RALGPS2: variants seen among roughly 807,000 people sequenced by gnomAD.
RALGPS2 encodes the protein Ral GEF with PH domain and SH3 binding motif 2.
A neutral mutation model predicts 86.8 loss-of-function variants in RALGPS2; 43 were observed. That is an observed-to-expected ratio of 0.50 (90% CI 0.39 to 0.64). The LOEUF is 0.64. Among genes scored for constraint, RALGPS2 ranks in the 30% least tolerant of loss-of-function variants. RALGPS2 has a pLI of 0.00. For synonymous variants in RALGPS2, 243 were observed against 231.3 expected, an observed-to-expected ratio of 1.05 and a Z score of -0.46; for missense variants, 536 against 694.6, an observed-to-expected ratio of 0.77 and a Z score of 2.57.
At chr1:178,828,684 A>G (rs1174095380) in intron 7 of RALGPS2, among the ~76,000 whole-genome samples, 4 of 152,222 alleles carry the variant, frequency 2.6e-5, no homozygotes, top group African/African-American at 4.8e-5. Context: ...CAACATCGCT[A>G]ATCATCAGGG....
At position 178,725,279 on chromosome 1, in the gene RALGPS2, G is replaced by GGCGGCT. The variant is rs1401054074; in HGVS notation, c.-221_-216dup. 5.7e-6 allele frequency: 1 copy of GGCGGCT among 176,222 alleles called. No individual in the cohort carries two copies. Among genetic ancestry groups the GGCGGCT allele is most frequent in the African/African-American group, 2.4e-5 (1 of 41,552 alleles). The allele number at this position is 176,222 out of a possible 1,614,324, so 10.9% of individuals were successfully genotyped here. On this transcript the variant is annotated 5_prime_UTR_variant, in exon 1 of 20. Coordinates refer to ENST00000367635, the MANE Select transcript of RALGPS2 (RefSeq NM_152663.5). ...CCCGAGCGGCAGCGGCGGCGGCGGC[G>GGCGGCT]GCGGCTGCTGCGGGCGCTGAATGAG...
At chr1:178,731,272 GTTTTTTTT>G (rs57628726) in intron 1 of RALGPS2, among the ~76,000 whole-genome samples, 4 of 57,968 alleles carry the variant, frequency 6.9e-5, no homozygotes, top group South Asian at 9.5e-4. Context: ...AGTTGTTTTG[GTTTTTTTT>G]TTTTTTTTTT....
At chr1:178,806,863 A>C (rs1035917991) in intron 4 of RALGPS2, among the ~76,000 whole-genome samples, 1 of 152,062 alleles carries the variant, frequency 6.6e-6, no homozygotes, top group Non-Finnish European at 1.5e-5. Context: ...GAAGTTTGTT[A>C]ACCTGTTTCG....
intron 1 of RALGPS2, among the ~76,000 whole-genome samples, chr1:178,734,094 A>G (rs76737265): frequency 0.012 from 1,829 of 152,346 alleles, 54 homozygotes; most frequent in African/African-American, 0.042. Flanking sequence ...ACAAGTGGCC[A>G]ATAAGCACAT....
chr1:178,778,035 T>A (rs1653183817), intron 2 of RALGPS2, among the ~76,000 whole-genome samples: 1 of 139,006 alleles, frequency 7.2e-6, no homozygotes, highest in Non-Finnish European at 1.5e-5. Flanking sequence ...AAGACAAAAT[T>A]GACAAATGGG....
chr1:178,889,350 A>G (rs1490987543), intron 13 of RALGPS2, among the ~76,000 whole-genome samples: 1 of 152,054 alleles, frequency 6.6e-6, no homozygotes, highest in African/African-American at 2.4e-5. Flanking sequence ...TATGTTCTCT[A>G]ATGGTAGGAA....
At chr1:178,802,226 A>G (rs1654514602) in intron 4 of RALGPS2, among the ~76,000 whole-genome samples, 1 of 152,118 alleles carries the variant, frequency 6.6e-6, no homozygotes, top group African/African-American at 2.4e-5. Context: ...AAGCTAGAAA[A>G]AAGAAAATGT....
chr1:178,898,503 A>C (rs1157762904), intron 17 of RALGPS2, among the ~76,000 whole-genome samples: 1 of 152,014 alleles, frequency 6.6e-6, no homozygotes, highest in Non-Finnish European at 1.5e-5. Flanking sequence ...CCTTTAATCA[A>C]ACCACAGGTA....
At chr1:178,843,626 A>G (rs1656718394) in intron 8 of RALGPS2, among the ~76,000 whole-genome samples, 1 of 151,630 alleles carries the variant, frequency 6.6e-6, no homozygotes. Flanking sequence ...CACATTGTGT[A>G]CATGTACCCT....
Position 178,892,256 on chromosome 1 carries a change from C to G in RALGPS2, c.1274C>G (p.Pro425Arg). 2 of 1,612,604 alleles carry G rather than the reference C, an allele frequency of 1.2e-6. No homozygotes were observed. Among genetic ancestry groups the G allele is most frequent in the African/African-American group, 1.3e-5 (1 of 74,920 alleles). Residue 425 changes from proline to arginine, a missense_variant, in exon 15 of 20, where the codon CCG becomes CGG. Physicochemically the swap from Pro to Arg is moderately radical, Grantham distance 103 (BLOSUM62 -2). Around this residue, in one of 3 missense-constraint regions of RALGPS2, gnomAD observed 309 missense variants for 363.0 expected, o/e 0.85. Coordinates refer to ENST00000367635, the MANE Select transcript of RALGPS2 (RefSeq NM_152663.5). ...ERNRLYHSLG[P>R]VTRVARNGYR... The stretch of plus-strand genomic sequence containing the variant: ...AACAGATTATACCATTCTCTCGGCC[C>G]GGTGACAAGAGTGGCACGAAATGGC...
chr1:178,749,991 G>A (rs116150324), intron 1 of RALGPS2, among the ~76,000 whole-genome samples: 5,486 of 152,128 alleles, frequency 0.036, 120 homozygotes, highest in Middle Eastern at 0.058. Flanking sequence ...CACACCTGTT[G>A]TCCCAGCTAC....
At chr1:178,845,664 T>TC (rs1656832874) in intron 8 of RALGPS2, among the ~76,000 whole-genome samples, 1 of 152,240 alleles carries the variant, frequency 6.6e-6, no homozygotes, top group African/African-American at 2.4e-5. Flanking sequence ...ATGGGTCAAC[T>TC]CCTTACCCAC....
chr1:178,883,499 CCCACG>C lies in RALGPS2; in HGVS notation c.871_875del (p.Pro291PhefsTer12), dbSNP rs1659347980. 1 of 1,613,276 alleles carries C rather than the reference CCCACG, an allele frequency of 6.2e-7. No homozygotes were observed. The highest frequency in any genetic ancestry group is 8.5e-7 in the Non-Finnish European group (1 of 1,179,500). ...TAAAGATAGAACCAGGGACAAGCACCCCACGTTCTGCTGCTTCCAGAGAAGATTTA... is the reference window on the plus strand; with the variant it reads ...TAAAGATAGAACCAGGGACAAGCACCTTCTGCTGCTTCCAGAGAAGATTTA... On this transcript the variant is annotated frameshift_variant, in exon 11 of 20. Transcript: ENST00000367635. LOFTEE classifies it high-confidence loss of function.
intron 1 of RALGPS2, among the ~76,000 whole-genome samples, chr1:178,766,322 T>G (rs1254111635): frequency 6.6e-6 from 1 of 152,078 alleles, no homozygotes; most frequent in South Asian, 2.1e-4. Flanking sequence ...TGGGCTCAAG[T>G]GATTCTCCTA....
chr1:178,889,284 T>C (rs915317486), intron 13 of RALGPS2, among the ~76,000 whole-genome samples: 9 of 152,084 alleles, frequency 5.9e-5, no homozygotes, highest in Non-Finnish European at 8.8e-5. Flanking sequence ...TCAAGGATTT[T>C]ATAATTATAT....
In RALGPS2 at chr1:178,744,442, C is replaced by A. The variant is rs969968155; in HGVS notation, c.-84+19023C>A. 2.6e-5 allele frequency among the ~76,000 whole-genome samples: 4 copies of A among 152,078 alleles called. 1 individual carries two copies. Among genetic ancestry groups the A allele is most frequent in the Admixed American group, 2.0e-4 (3 of 15,260 alleles). ...AATGCTTTTTCTCTAAGACCAGCAA[C>A]AAAACAAAGATGGCTACTCTCACCA... On this transcript the variant is annotated intron_variant, in intron 1 of 19. Transcript: ENST00000367635.
intron 2 of RALGPS2, among the ~76,000 whole-genome samples, chr1:178,781,259 ATAAAAT>A (rs1221304967): frequency 1.3e-5 from 2 of 152,174 alleles, no homozygotes; most frequent in East Asian, 1.9e-4. Flanking sequence ...TGGCAAGAAA[ATAAAAT>A]TAAAAATCTG....
rs1340039277 is a variant in RALGPS2 at position 178,773,099 on chromosome 1, G to A, written c.-83-3583G>A. Among the ~76,000 whole-genome samples, 25 of 152,148 alleles carry A rather than the reference G, an allele frequency of 1.6e-4. 1 individual carries two copies. Among genetic ancestry groups the A allele is most frequent in the Admixed American group, 1.6e-3 (25 of 15,286 alleles). ...TTACAGGCGTGAGCCCCTGTACCTG[G>A]CCTATTTTTAAACTTTTCTTTACAC... On this transcript the variant is annotated intron_variant, in intron 1 of 19. Transcript: ENST00000367635.
At chr1:178,743,016 G>A (rs1404619625) in intron 1 of RALGPS2, among the ~76,000 whole-genome samples, 1 of 152,130 alleles carries the variant, frequency 6.6e-6, no homozygotes, top group African/African-American at 2.4e-5. Context: ...AGGAGTTCAA[G>A]GCCAGCTTGG....
Sources: allele counts gnomAD v4.1 joint callset (sites outside exome capture counted in the v4.1 genomes callset), GRCh38; gene constraint gnomAD v4.1.1; regional missense constraint gnomAD v4.1.1; transcripts MANE v1.5; gene names NCBI Gene and HGNC (gene_info 2026-07-23, HGNC 2026-07-21).